The following ARSL variants were observed in gnomAD, a reference collection of about 807,000 sequenced individuals.
The protein encoded by ARSL is arylsulfatase L, also known as arylsulfatase E (chondrodysplasia punctata 1).
Under a neutral mutation model 31.1 loss-of-function variants are expected in ARSL, and 4 were observed. That is an observed-to-expected ratio of 0.13 (90% CI 0.06 to 0.29). The LOEUF is 0.29. Among genes scored for constraint, ARSL ranks in the 10% least tolerant of loss-of-function variants. The probability of loss-of-function intolerance (pLI) is 1.00; values close to 1 mark genes in which losing one functional copy is unlikely to be tolerated. For synonymous variants in ARSL, 198 were observed against 209.9 expected, an observed-to-expected ratio of 0.94 and a Z score of 0.49; for missense variants, 312 against 497.8, an observed-to-expected ratio of 0.63 and a Z score of 3.55.
chrX:2,958,278 T>C lies in ARSL; in HGVS notation c.181A>G (p.Met61Val), dbSNP rs952077902. The C allele has an allele frequency of 8.3e-7, 1 of 1,211,681 alleles. No individual in the cohort carries two copies. Among genetic ancestry groups the C allele is most frequent in the East Asian group, 3.0e-5 (1 of 33,826 alleles). The change falls in exon 3 of 11, where the codon ATG becomes GTG. Residue 61 changes from methionine to valine, a missense_variant. Coordinates refer to ENST00000381134, the MANE Select transcript of ARSL (RefSeq NM_000047.3). ...GDIGCYGNNT[M>V]RTPNIDRLAE... is the part of the protein sequence containing the mutation. ...GAGTAATTCTCTGTCCCTTGCCTCA[T>C]GGTGTTGTTGCCATAGCAGCCAATG...
chrX:2,961,876 T>A (rs1181464148), intron 1 of ARSL, among the ~76,000 whole-genome samples: 50 of 106,274 alleles, frequency 4.7e-4, no homozygotes, highest in South Asian at 8.2e-4. Context: ...TTTTTTTTTT[T>A]AATCTTTCTT....
At chrX:2,944,364 G>A (rs1433754881) in intron 7 of ARSL, among the ~76,000 whole-genome samples, 1 of 106,859 alleles carries the variant, frequency 9.4e-6, no homozygotes, top group Non-Finnish European at 1.9e-5. Flanking sequence ...TGAGGCAGGA[G>A]AATTGCTTGA....
At chrX:2,951,634 A>G (rs1384167184) in intron 5 of ARSL, among the ~76,000 whole-genome samples, 2 of 103,603 alleles carry the variant, frequency 1.9e-5, no homozygotes, top group Non-Finnish European at 3.9e-5. Context: ...AAAAAAAAAA[A>G]AGAAAAAAAA....
In ARSL at chrX:2,958,263, C is replaced by T; in HGVS notation, c.185+11G>A. The T allele has an allele frequency of 8.3e-7, 1 of 1,211,258 alleles. No homozygotes were observed. Among genetic ancestry groups the T allele is most frequent in the Admixed American group, 2.2e-5 (1 of 45,994 alleles). On this transcript the variant is annotated intron_variant, in intron 3 of 10. Transcript: ENST00000381134. ...TTGGGGGCACCAGGTGAGTAATTCTCTGTCCCTTGCCTCATGGTGTTGTTG... is the reference window on the plus strand; with the variant it reads ...TTGGGGGCACCAGGTGAGTAATTCTTTGTCCCTTGCCTCATGGTGTTGTTG...
chrX:2,960,451 T>G (rs767511554), intron 1 of ARSL, 31 bp from the exon 2 acceptor site: 1 of 1,194,795 alleles, frequency 8.4e-7, no homozygotes, highest in Admixed American at 2.2e-5. Context: ...CACAATCACA[T>G]TGACAGCAGA....
intron 3 of ARSL, among the ~76,000 whole-genome samples, chrX:2,956,595 G>C (rs2089526856): frequency 9.0e-6 from 1 of 110,622 alleles, no homozygotes; most frequent in South Asian, 4.0e-4. Flanking sequence ...CCAAGTAGCT[G>C]GGATTACAGG....
At chrX:2,953,317 T>C in intron 4 of ARSL, 52 bp from the exon 5 acceptor site, 1 of 1,158,097 alleles carries the variant, frequency 8.6e-7, no homozygotes, top group Non-Finnish European at 1.2e-6. Context: ...TTTTTTCCTG[T>C]TTGTTATTTA....
chrX:2,938,625 C>T (rs1440136519), intron 8 of ARSL, among the ~76,000 whole-genome samples: 1 of 109,765 alleles, frequency 9.1e-6, no homozygotes, highest in African/African-American at 3.3e-5. Context: ...CTCCTGGAAC[C>T]CCCAGGCGCT....
At chrX:2,944,138 A>G (rs1339319792) in intron 7 of ARSL, among the ~76,000 whole-genome samples, 1 of 110,823 alleles carries the variant, frequency 9.0e-6, no homozygotes, top group Non-Finnish European at 1.9e-5. Flanking sequence ...CGGTTGCACC[A>G]CTGCACTCCA....
In ARSL at chrX:2,959,836, G is replaced by T. The variant is rs2089580189; in HGVS notation, c.23+542C>A. 7 of 639,170 alleles carry T rather than the reference G, an allele frequency of 1.1e-5. No individual in the cohort carries two copies. In the South Asian group the frequency reaches 2.6e-4, roughly 23 times the overall value. 52.7% of individuals were successfully genotyped at this position (639,170 alleles called of 1,213,427 possible). A position where few individuals can be genotyped will look rare whatever the true frequency, so the allele number is the denominator to read the frequency against. ...GTTGGGAGGCCAAGGTGGGAGCATT[G>T]CCTGAGCCCAGGTGTTTAAGACCAG... On this transcript the variant is annotated intron_variant, in intron 2 of 10. Transcript: ENST00000381134.
In ARSL at chrX:2,936,822, G is replaced by T; in HGVS notation, c.1331C>A (p.Thr444Lys). 3 of 1,211,364 alleles carry T rather than the reference G, an allele frequency of 2.5e-6. No individual in the cohort carries two copies. The highest frequency in any genetic ancestry group is 3.4e-6 in the Non-Finnish European group (3 of 895,321). Reference protein sequence around the residue: ...GQDLLPLLLGTAQHSDHEFLM... With the variant: ...GQDLLPLLLGKAQHSDHEFLM... Reference sequence around the variant, plus strand: ...GAACTCGTGGTCTGAGTGTTGGGCTGTCCCCAGGAGCAAGGGCAGAAGGTC... The same window carrying T: ...GAACTCGTGGTCTGAGTGTTGGGCTTTCCCCAGGAGCAAGGGCAGAAGGTC... The change falls in exon 10 of 11, where the codon ACA becomes AAA. Residue 444 changes from threonine to lysine, a missense_variant. Coordinates refer to ENST00000381134, the MANE Select transcript of ARSL (RefSeq NM_000047.3).
intron 7 of ARSL, among the ~76,000 whole-genome samples, chrX:2,944,953 G>C (rs1321022252): frequency 2.7e-5 from 3 of 109,760 alleles, no homozygotes; most frequent in Non-Finnish European, 3.8e-5. Flanking sequence ...AGAGGAAGAA[G>C]TGGAAGAGGA....
At chrX:2,968,112 C>A (rs1447102923), upstream of ARSL, 27 of 1,152,979 alleles carry the variant, frequency 2.3e-5, no homozygotes, top group Non-Finnish European at 3.0e-5. Flanking sequence ...CGTGCAAAAG[C>A]CGGCCTGTAA....
intron 9 of ARSL, among the ~76,000 whole-genome samples, chrX:2,937,349 G>A (rs751701045): frequency 9.5e-6 from 1 of 105,355 alleles, no homozygotes; most frequent in East Asian, 3.0e-4. Context: ...AGCCTAGATC[G>A]CACCACTGCA....
At chrX:2,939,487 T>C (rs746353207) in intron 8 of ARSL, among the ~76,000 whole-genome samples, 5 of 112,153 alleles carry the variant, frequency 4.5e-5, no homozygotes, top group African/African-American at 1.6e-4. Context: ...TTAACGTCAA[T>C]GGCAATGAGA....
intron 6 of ARSL, 33 bp from the exon 7 acceptor site, chrX:2,946,167 T>C: frequency 3.3e-6 from 4 of 1,202,084 alleles, no homozygotes; most frequent in Non-Finnish European, 4.5e-6. Context: ...TAAGGTGACT[T>C]TTTTGGTAAA....
chrX:2,948,367 T>G (rs1016144103), intron 6 of ARSL, among the ~76,000 whole-genome samples: 2 of 110,885 alleles, frequency 1.8e-5, no homozygotes, highest in Non-Finnish European at 3.8e-5. Context: ...CTTCTGAAGA[T>G]AGACTTTTTT....
At position 2,958,399 on chromosome X, in the gene ARSL, A is replaced by G. The variant is rs753424605; in HGVS notation, c.60T>C (p.Ala20=). ...CTGATGGTGCCAAACTTAGCAGTACAGCGAGCATCGCTGGCAGCCAGCTCC... is the reference window on the plus strand; with the variant it reads ...CTGATGGTGCCAAACTTAGCAGTACGGCGAGCATCGCTGGCAGCCAGCTCC... ...CFRSWLPAML[A]VLLSLAPSAS... The change falls in exon 3 of 11, where the codon GCT becomes GCC. Residue 20 remains alanine (A), a synonymous_variant. Coordinates refer to ENST00000381134, the MANE Select transcript of ARSL (RefSeq NM_000047.3). 20 of 1,212,232 alleles carry G rather than the reference A, an allele frequency of 1.6e-5. No homozygotes were observed. The highest frequency in any genetic ancestry group is 5.2e-5 in the African/African-American group (3 of 57,951).
chrX:2,947,236 C>T (rs761884197), intron 6 of ARSL, among the ~76,000 whole-genome samples: 1 of 111,098 alleles, frequency 9.0e-6, no homozygotes, highest in East Asian at 2.8e-4. Context: ...TGCATCTTTT[C>T]CCCCCCGAAT....
Sources: gnomAD v4.1 joint callset for allele counts (sites outside exome capture counted in the v4.1 genomes callset) on GRCh38, gnomAD v4.1.1 for gene constraint, MANE v1.5 for transcripts, NCBI Gene and HGNC (gene_info 2026-07-23, HGNC 2026-07-21) for gene names.